Variants in TRAPPC9 observed in about 807,000 individuals in gnomAD.
The protein encoded by TRAPPC9 is IKK2 binding protein.
In TRAPPC9, 83 loss-of-function variants were observed where a neutral mutation model predicts 124.0. The observed-to-expected ratio is 0.67, with a 90% CI of 0.56 to 0.80. The LOEUF (loss-of-function observed/expected upper bound fraction) is 0.80, where lower values mean the gene tolerates loss of function less well. Among genes scored for constraint, TRAPPC9 ranks in the 30% least tolerant of loss-of-function variants. The pLI is 0.00. For missense variants in TRAPPC9, 1,302 were observed against 1,508.3 expected (o/e 0.86, Z 2.27); for synonymous variants, 638 against 617.5 (o/e 1.03, Z -0.49).
chr8:139,826,129 G>A (rs377369354), intron 21 of TRAPPC9, among the ~76,000 whole-genome samples: 41 of 152,292 alleles, frequency 2.7e-4, no homozygotes, highest in African/African-American at 8.9e-4. Context: ...CTGGAGCCTC[G>A]TTGGTTCTCC....
intron 18 of TRAPPC9, among the ~76,000 whole-genome samples, chr8:140,021,056 G>A (rs1192347320): frequency 1.3e-5 from 2 of 151,970 alleles, no homozygotes; most frequent in South Asian, 2.1e-4. Flanking sequence ...TGTATAGTTT[G>A]ACAATCTCCA....
intron 21 of TRAPPC9, among the ~76,000 whole-genome samples, chr8:139,841,161 C>G (rs1826704243): frequency 6.6e-6 from 1 of 152,180 alleles, no homozygotes; most frequent in African/African-American, 2.4e-5. Flanking sequence ...CCCCTCGCCC[C>G]CGGCTCCTTC....
At chr8:140,385,093 C>T (rs931643520) in intron 7 of TRAPPC9, among the ~76,000 whole-genome samples, 43 of 152,242 alleles carry the variant, frequency 2.8e-4, no homozygotes, top group African/African-American at 7.7e-4. Context: ...GAAATGAAGG[C>T]GGAAATAAAG....
intron 21 of TRAPPC9, among the ~76,000 whole-genome samples, chr8:139,831,160 A>C (rs1166207233): frequency 6.6e-6 from 1 of 152,178 alleles, no homozygotes; most frequent in African/African-American, 2.4e-5. Context: ...CGCAGGCTCC[A>C]CAAGTTCACA....
At chr8:139,750,548 C>T (rs1819244211) in intron 21 of TRAPPC9, among the ~76,000 whole-genome samples, 1 of 152,198 alleles carries the variant, frequency 6.6e-6, no homozygotes, top group African/African-American at 2.4e-5. Flanking sequence ...GTGCTGGGCA[C>T]AGGCTGAGGG....
At chr8:140,153,644 T>C (rs548041490) in intron 17 of TRAPPC9, among the ~76,000 whole-genome samples, 1 of 152,340 alleles carries the variant, frequency 6.6e-6, no homozygotes, top group Non-Finnish European at 1.5e-5. Context: ...ACATATGGCA[T>C]TGTTGAATGA....
chr8:140,167,417 A>T (rs1563812621), intron 17 of TRAPPC9, among the ~76,000 whole-genome samples: 1 of 152,194 alleles, frequency 6.6e-6, no homozygotes, highest in East Asian at 1.9e-4. Context: ...CACATGAGGT[A>T]CTTTGCACAC....
At chr8:140,070,106 C>T (rs1056165438) in intron 17 of TRAPPC9, among the ~76,000 whole-genome samples, 6 of 152,244 alleles carry the variant, frequency 3.9e-5, no homozygotes, top group Non-Finnish European at 5.9e-5. Context: ...AGCGGCAACG[C>T]GTTACCAGTT....
At chr8:139,767,256 A>G (rs1478700961) in intron 21 of TRAPPC9, among the ~76,000 whole-genome samples, 1 of 152,246 alleles carries the variant, frequency 6.6e-6, no homozygotes, top group Non-Finnish European at 1.5e-5. Flanking sequence ...TACAGCACAG[A>G]TGTGAGCCAA....
intron 7 of TRAPPC9, among the ~76,000 whole-genome samples, chr8:140,391,777 A>G (rs935174209): frequency 2.0e-5 from 3 of 151,790 alleles, no homozygotes; most frequent in Admixed American, 1.3e-4. Context: ...CTGTAATCCC[A>G]GCACTTTGGG....
rs1186747484 is a variant in TRAPPC9 at position 139,792,070 on chromosome 8, T to G, written c.3056-59868A>C. 3.3e-5 allele frequency among the ~76,000 whole-genome samples: 5 copies of G among 152,180 alleles called. No homozygotes were observed. In the East Asian group the frequency reaches 9.7e-4, roughly 29 times the overall value. On this transcript the variant is annotated intron_variant, in intron 21 of 22. Transcript: ENST00000438773. ...AGGCTCTTGCCCGCCGCCTGCCGCC[T>G]ATTCTTTTTTTCTGTCCCCGTCAAC...
chr8:140,035,547 T>C (rs1428589186), intron 17 of TRAPPC9, among the ~76,000 whole-genome samples: 5 of 152,180 alleles, frequency 3.3e-5, no homozygotes, highest in African/African-American at 1.2e-4. Context: ...CCAGACACAA[T>C]GCTGGGAGCT....
rs183257517 is a variant in TRAPPC9 at position 139,812,160 on chromosome 8, C to A, written c.3055+73719G>T. On this transcript the variant is annotated intron_variant, in intron 21 of 22. Transcript: ENST00000438773. ...AATTTTGTGGTTCTGATGGAAAGTTCAAGAAAAATTAGCGTCACAGAAAAA... is the reference window on the plus strand; with the variant it reads ...AATTTTGTGGTTCTGATGGAAAGTTAAAGAAAAATTAGCGTCACAGAAAAA... Among the ~76,000 whole-genome samples the A allele has an allele frequency of 2.2e-4, 34 of 152,128 alleles. No homozygotes were observed. In the East Asian group the frequency reaches 6.2e-3, roughly 28 times the overall value.
intron 21 of TRAPPC9, among the ~76,000 whole-genome samples, chr8:139,735,453 T>C (rs1179992343): frequency 6.6e-6 from 1 of 152,112 alleles, no homozygotes; most frequent in Non-Finnish European, 1.5e-5. Flanking sequence ...CCCTTCTCCC[T>C]CCTCTACCTC....
intron 18 of TRAPPC9, among the ~76,000 whole-genome samples, chr8:140,020,926 TAA>T (rs911665409): frequency 4.6e-5 from 7 of 152,214 alleles, no homozygotes; most frequent in African/African-American, 1.7e-4. Flanking sequence ...CGTTTGATAT[TAA>T]GATACCCAAA....
At chr8:140,113,179 T>C (rs1260453727) in intron 17 of TRAPPC9, among the ~76,000 whole-genome samples, 3 of 152,262 alleles carry the variant, frequency 2.0e-5, no homozygotes, top group African/African-American at 7.2e-5. Flanking sequence ...CAGTGACTTA[T>C]GTCCTGTGAA....
intron 17 of TRAPPC9, among the ~76,000 whole-genome samples, chr8:140,073,694 A>T (rs1475362386): frequency 2.0e-5 from 3 of 152,150 alleles, no homozygotes; most frequent in Non-Finnish European, 2.9e-5. Flanking sequence ...AAATAAAGTA[A>T]CTGAAGCTCA....
intron 21 of TRAPPC9, among the ~76,000 whole-genome samples, chr8:139,881,768 C>T (rs1039263729): frequency 1.3e-4 from 20 of 151,706 alleles, no homozygotes; most frequent in African/African-American, 4.6e-4. Context: ...TCAAATTCTC[C>T]AAGAACAGAG....
At chr8:140,033,686 T>TTTTTG (rs1840688401) in intron 17 of TRAPPC9, among the ~76,000 whole-genome samples, 1 of 117,986 alleles carries the variant, frequency 8.5e-6, no homozygotes, top group Non-Finnish European at 1.7e-5. Context: ...TTTTTTTTTT[T>TTTTTG]TTTTTTTTTT....
Sources: gnomAD v4.1 joint callset for allele counts (sites outside exome capture counted in the v4.1 genomes callset) on GRCh38, gnomAD v4.1.1 for gene constraint, MANE v1.5 for transcripts, NCBI Gene and HGNC (gene_info 2026-07-23, HGNC 2026-07-21) for gene names.